Variants in LUZP2 observed in about 807,000 individuals in gnomAD.
LUZP2 encodes the protein leucine zipper protein 2.
In LUZP2, 52 loss-of-function variants were observed where a neutral mutation model predicts 51.6. The observed-to-expected ratio is 1.01, with a 90% CI of 0.81 to 1.27. LUZP2 has a LOEUF of 1.27. Among genes scored for constraint, LUZP2 ranks in the 50% most tolerant of loss-of-function variants. The pLI is 0.00. For missense variants in LUZP2, 436 were observed against 395.4 expected, an observed-to-expected ratio of 1.10 and a Z score of -0.87; for synonymous variants, 154 against 137.3, an observed-to-expected ratio of 1.12 and a Z score of -0.85.
chr11:24,981,552 G>C (rs963931418), intron 8 of LUZP2, among the ~76,000 whole-genome samples: 1 of 151,668 alleles, frequency 6.6e-6, no homozygotes, highest in African/African-American at 2.4e-5. Context: ...GCCTAACCTG[G>C]GAATGCAGCC....
At chr11:24,720,793 G>T (rs1590397490) in intron 1 of LUZP2, among the ~76,000 whole-genome samples, 1 of 152,170 alleles carries the variant, frequency 6.6e-6, no homozygotes, top group East Asian at 1.9e-4. Context: ...CTGCCTCCCG[G>T]GTTCACGCCA....
At chr11:24,993,831 T>C (rs189623292) in intron 9 of LUZP2, among the ~76,000 whole-genome samples, 3 of 151,154 alleles carry the variant, frequency 2.0e-5, no homozygotes, top group African/African-American at 7.3e-5. Flanking sequence ...TTAAATTTGA[T>C]GAAGTCCAAT....
chr11:25,077,787 C>A (rs562072431), intron 11 of LUZP2, among the ~76,000 whole-genome samples: 1 of 152,076 alleles, frequency 6.6e-6, no homozygotes. Context: ...TGAGCCACCG[C>A]GCCCGACCAG....
intron 7 of LUZP2, among the ~76,000 whole-genome samples, chr11:24,956,127 A>G (rs1855202062): frequency 6.6e-6 from 1 of 152,040 alleles, no homozygotes; most frequent in Admixed American, 6.6e-5. Flanking sequence ...TACTTTTGAC[A>G]TTAGAACAGA....
chr11:24,994,917 G>A (rs1300742350), intron 9 of LUZP2, among the ~76,000 whole-genome samples: 1 of 151,922 alleles, frequency 6.6e-6, no homozygotes, highest in Non-Finnish European at 1.5e-5. Flanking sequence ...TGTCATTCTA[G>A]GATTTCCCAA....
At chr11:25,007,522 G>A (rs546859426) in intron 9 of LUZP2, among the ~76,000 whole-genome samples, 1 of 152,214 alleles carries the variant, frequency 6.6e-6, no homozygotes, top group East Asian at 1.9e-4. Flanking sequence ...AGAATCACTT[G>A]AACCTGGGAG....
intron 5 of LUZP2, among the ~76,000 whole-genome samples, chr11:24,897,495 G>A (rs376186684): frequency 6.6e-5 from 10 of 152,034 alleles, no homozygotes; most frequent in East Asian, 5.8e-4. Context: ...CTGGACGGGA[G>A]GAACAAACAA....
At chr11:24,556,532 G>A (rs1851874553) in intron 1 of LUZP2, among the ~76,000 whole-genome samples, 1 of 152,034 alleles carries the variant, frequency 6.6e-6, no homozygotes, top group African/African-American at 2.4e-5. Context: ...CTTCATGAAG[G>A]GTGTGGTATA....
intron 5 of LUZP2, among the ~76,000 whole-genome samples, chr11:24,861,926 T>C (rs1851755211): frequency 6.6e-6 from 1 of 152,058 alleles, no homozygotes; most frequent in Admixed American, 6.6e-5. Context: ...TATGATAAAT[T>C]CCCCTACACT....
rs1854389040 is a variant in LUZP2, at chr11:24,929,696, A to G, written c.522+15158A>G. Among the ~76,000 whole-genome samples the G allele has an allele frequency of 2.6e-5, 4 of 152,068 alleles. No individual in the cohort carries two copies. The South Asian group carries it at 8.3e-4, about 32-fold the overall frequency. On this transcript the variant is annotated intron_variant, in intron 7 of 11. Transcript: ENST00000336930. ...CAATGAATAGAGTATATATTCTGCA[A>G]TGGTTTGGTACAATGTTCTGTAAAT...
At chr11:24,927,513 A>G (rs1854315657) in intron 7 of LUZP2, among the ~76,000 whole-genome samples, 1 of 151,478 alleles carries the variant, frequency 6.6e-6, no homozygotes, top group African/African-American at 2.4e-5. Flanking sequence ...TCCCCACTTT[A>G]TGTTTTGTTT....
At chr11:24,949,330 A>ATCTATCTC (rs1377087038) in intron 7 of LUZP2, among the ~76,000 whole-genome samples, 39 of 34,314 alleles carry the variant, frequency 1.1e-3, no homozygotes, top group Non-Finnish European at 2.3e-3. Flanking sequence ...CTATCTATCT[A>ATCTATCTC]TCTCTCTATC....
chr11:24,510,976 C>T (rs1204567063), intron 1 of LUZP2, among the ~76,000 whole-genome samples: 1 of 152,196 alleles, frequency 6.6e-6, no homozygotes, highest in African/African-American at 2.4e-5. Context: ...TAAATAGCAG[C>T]ATGGAGGAAG....
chr11:24,640,394 C>T (rs1365661319), intron 1 of LUZP2, among the ~76,000 whole-genome samples: 1 of 151,822 alleles, frequency 6.6e-6, no homozygotes, highest in African/African-American at 2.4e-5. Context: ...ATATAAGGAC[C>T]TCTGTCCCAA....
At chr11:24,943,104 C>T (rs1227906202) in intron 7 of LUZP2, among the ~76,000 whole-genome samples, 4 of 152,150 alleles carry the variant, frequency 2.6e-5, no homozygotes, top group East Asian at 1.9e-4. Flanking sequence ...TGATTGGATT[C>T]GTATGGTAAT....
At chr11:24,796,878 C>T (rs373442933) in intron 5 of LUZP2, among the ~76,000 whole-genome samples, 46 of 152,182 alleles carry the variant, frequency 3.0e-4, no homozygotes, top group African/African-American at 1.1e-3. Context: ...AGCAGAAACT[C>T]TCTGCATATG....
At chr11:24,987,030 C>T (rs546858932) in intron 9 of LUZP2, among the ~76,000 whole-genome samples, 5 of 151,788 alleles carry the variant, frequency 3.3e-5, no homozygotes, top group East Asian at 3.9e-4. Flanking sequence ...ACTCATCTTT[C>T]GTGTCTATTA....
chr11:24,995,841 A>G (rs1856479115), intron 9 of LUZP2, among the ~76,000 whole-genome samples: 1 of 151,964 alleles, frequency 6.6e-6, no homozygotes, highest in Admixed American at 6.6e-5. Context: ...TTGTTTCCAG[A>G]ATTTTCTAGA....
At chr11:24,956,010 G>T (rs375747087) in intron 7 of LUZP2, among the ~76,000 whole-genome samples, 17 of 152,080 alleles carry the variant, frequency 1.1e-4, no homozygotes, top group African/African-American at 4.1e-4. Flanking sequence ...TGAGATAGTT[G>T]CAGCAATCTA....
Sources: allele counts gnomAD v4.1 joint callset (sites outside exome capture counted in the v4.1 genomes callset), GRCh38; gene constraint gnomAD v4.1.1; transcripts MANE v1.5; gene names NCBI Gene and HGNC (gene_info 2026-07-23, HGNC 2026-07-21).